ADCY1: variants seen among roughly 807,000 people sequenced by gnomAD.
ADCY1 encodes the protein adenylate cyclase 1.
Under a neutral mutation model 105.4 loss-of-function variants are expected in ADCY1, and 28 were observed. That is an observed-to-expected ratio of 0.27 (90% CI 0.20 to 0.36). The LOEUF (loss-of-function observed/expected upper bound fraction) is 0.36. Ranked by LOEUF, ADCY1 falls within the 10% of genes least tolerant of loss-of-function variation. ADCY1 has a pLI of 1.00. For missense variants in ADCY1, 977 were observed against 1,434.2 expected, an observed-to-expected ratio of 0.68 and a Z score of 5.15; for synonymous variants, 655 against 623.8, an observed-to-expected ratio of 1.05 and a Z score of -0.75.
chr7:45,599,087 C>G (rs1793151904), intron 2 of ADCY1, among the ~76,000 whole-genome samples: 1 of 152,096 alleles, frequency 6.6e-6, no homozygotes, highest in South Asian at 2.1e-4. Flanking sequence ...TGCTGTCAGC[C>G]CCCTGCCATT....
At chr7:45,592,639 G>T in intron 1 of ADCY1, 120 bp from the exon 2 acceptor site, 1 of 1,385,142 alleles carries the variant, frequency 7.2e-7, no homozygotes, top group South Asian at 1.3e-5. Context: ...CCTGCGCTGT[G>T]GGTTTGGCCC....
Position 45,662,067 on chromosome 7 carries a change from A to G in ADCY1, c.1458A>G (p.Pro486=), listed in dbSNP as rs372178220. ...IVPSHRRKIF[P]GLILSDIKPA... ...CTTGTGTGTTTGGACAGATATTTCC[A>G]GGCCTGATTCTCTCAGATATAAAAC... The change falls in exon 8 of 20, where the codon CCA becomes CCG. Residue 486 remains proline, a synonymous_variant. Transcript: ENST00000297323. 3.4e-5 allele frequency: 55 copies of G among 1,613,800 alleles called. No homozygotes were observed. Among genetic ancestry groups the G allele is most frequent in the Non-Finnish European group, 4.6e-5 (54 of 1,179,898 alleles).
intron 8 of ADCY1, among the ~76,000 whole-genome samples, chr7:45,674,752 A>G (rs189668867): frequency 6.6e-4 from 101 of 152,284 alleles, no homozygotes; most frequent in African/African-American, 2.2e-3. Context: ...TAGGATTTCT[A>G]TGTCTTCCTT....
At chr7:45,577,162 T>C (rs762528898) in intron 1 of ADCY1, among the ~76,000 whole-genome samples, 4 of 152,162 alleles carry the variant, frequency 2.6e-5, no homozygotes, top group Non-Finnish European at 5.9e-5. Context: ...TGTGACTCCC[T>C]GGGCAATCCA....
In ADCY1 at chr7:45,719,029, A is replaced by G. The variant is rs1054184024; in HGVS notation, c.*5034A>G. 3 of 152,828 alleles carry G rather than the reference A, an allele frequency of 2.0e-5. No individual in the cohort carries two copies. The highest frequency in any genetic ancestry group is 1.3e-4 in the Admixed American group (2 of 15,290). The allele number at this position is 152,828 out of a possible 1,614,324, so 9.5% of individuals were successfully genotyped here. On this transcript the variant is annotated 3_prime_UTR_variant, in exon 20 of 20. Transcript: ENST00000297323. The stretch of plus-strand genomic sequence containing the variant: ...CTGCAGTGTCTGTGATTCTGTGTGA[A>G]CTGACAGCAGGGAGCTGAAGGACAG...
intron 2 of ADCY1, among the ~76,000 whole-genome samples, chr7:45,601,706 G>A (rs1793245590): frequency 6.6e-6 from 1 of 152,104 alleles, no homozygotes; most frequent in Admixed American, 6.5e-5. Context: ...TGCTCCCAGC[G>A]GTGGCCTCTT....
At chr7:45,696,780 G>T (rs1391545438) in intron 14 of ADCY1, among the ~76,000 whole-genome samples, 3 of 152,164 alleles carry the variant, frequency 2.0e-5, no homozygotes, top group Admixed American at 2.0e-4. Flanking sequence ...TAGAGTAAAA[G>T]GTCCAAAGAC....
At chr7:45,631,744 C>A (rs1347069567) in intron 4 of ADCY1, among the ~76,000 whole-genome samples, 1 of 152,228 alleles carries the variant, frequency 6.6e-6, no homozygotes, top group African/African-American at 2.4e-5. Context: ...GGAAAACTCA[C>A]ATGAGAAAGA....
chr7:45,632,461 T>C (rs1794283487), intron 4 of ADCY1, among the ~76,000 whole-genome samples: 1 of 151,442 alleles, frequency 6.6e-6, no homozygotes, highest in Non-Finnish European at 1.5e-5. Flanking sequence ...ACACTGTATG[T>C]TTATTTAGAT....
chr7:45,648,086 TC>T (rs1337588790), intron 4 of ADCY1, among the ~76,000 whole-genome samples: 1 of 152,230 alleles, frequency 6.6e-6, no homozygotes, highest in African/African-American at 2.4e-5. Flanking sequence ...GTGCTGCTGT[TC>T]CTATTCATAC....
intron 12 of ADCY1, among the ~76,000 whole-genome samples, chr7:45,685,675 G>A (rs760876179): frequency 6.6e-6 from 1 of 151,740 alleles, no homozygotes; most frequent in Non-Finnish European, 1.5e-5. Context: ...AGGAGTAACA[G>A]GTTGGAGCTG....
intron 8 of ADCY1, among the ~76,000 whole-genome samples, chr7:45,673,085 G>C (rs1376847892): frequency 6.6e-6 from 1 of 152,094 alleles, no homozygotes; most frequent in African/African-American, 2.4e-5. Context: ...AGTTCATCTG[G>C]TGGGTTACAT....
chr7:45,693,704 T>C (rs1355950836), intron 14 of ADCY1, among the ~76,000 whole-genome samples: 1 of 150,796 alleles, frequency 6.6e-6, no homozygotes, highest in Non-Finnish European at 1.5e-5. Context: ...AGCAAAGACT[T>C]GGAACCAACC....
Position 45,677,968 on chromosome 7 carries a change from A to C in ADCY1, c.1705A>C (p.Ile569Leu). The change falls in exon 9 of 20, where the codon ATC becomes CTC. Residue 569 changes from isoleucine (I) to leucine (L), a missense_variant. Transcript: ENST00000297323. ...TTPGTRVNRY[I>L]SRLLEARQTE... ...CCCGGGCACTCGCGTCAACAGGTAC[A>C]TCAGCCGCCTCTTAGAAGCCCGCCA... The C allele has an allele frequency of 6.2e-7, 1 of 1,614,208 alleles. No individual in the cohort carries two copies. The highest frequency in any genetic ancestry group is 8.5e-7 in the Non-Finnish European group (1 of 1,180,040).
intron 3 of ADCY1, among the ~76,000 whole-genome samples, chr7:45,611,665 T>G (rs2115875968): frequency 6.6e-6 from 1 of 152,126 alleles, no homozygotes. Context: ...AGATTCTGTT[T>G]AAAAGTATTT....
At position 45,717,983 on chromosome 7, in the gene ADCY1, G is replaced by A. The variant is rs1288727092; in HGVS notation, c.*3988G>A. 1 of 152,406 alleles carries A rather than the reference G, an allele frequency of 6.6e-6. No individual in the cohort carries two copies. The highest frequency in any genetic ancestry group is 1.5e-5 in the Non-Finnish European group (1 of 68,042). The allele number at this position is 152,406 out of a possible 1,614,324, so 9.4% of individuals were successfully genotyped here. Reference sequence around the variant, plus strand: ...GCCCCATTCTCTGGCTTGGGGTGGTGGGAGGCGGGGAGCTGCCACTCCCAA... The same window carrying A: ...GCCCCATTCTCTGGCTTGGGGTGGTAGGAGGCGGGGAGCTGCCACTCCCAA... On this transcript the variant is annotated 3_prime_UTR_variant, in exon 20 of 20. Coordinates refer to ENST00000297323, the MANE Select transcript of ADCY1 (RefSeq NM_021116.4).
At chr7:45,662,762 G>A (rs1255290654) in intron 8 of ADCY1, among the ~76,000 whole-genome samples, 1 of 152,162 alleles carries the variant, frequency 6.6e-6, no homozygotes, top group Non-Finnish European at 1.5e-5. Flanking sequence ...CTTCTCAGCA[G>A]TCTCCACCTC....
At chr7:45,629,785 C>T (rs1752855072) in intron 4 of ADCY1, among the ~76,000 whole-genome samples, 2 of 152,160 alleles carry the variant, frequency 1.3e-5, no homozygotes, top group South Asian at 2.1e-4. Context: ...TCCCAAAGTG[C>T]TGGGATTACA....
At chr7:45,617,363 G>C (rs1025466746) in intron 3 of ADCY1, among the ~76,000 whole-genome samples, 18 of 152,204 alleles carry the variant, frequency 1.2e-4, no homozygotes, top group African/African-American at 3.6e-4. Context: ...GGCTTGTATG[G>C]CCTGGGGCCG....
Sources: gnomAD v4.1 joint callset for allele counts (sites outside exome capture counted in the v4.1 genomes callset) on GRCh38, gnomAD v4.1.1 for gene constraint, MANE v1.5 for transcripts, NCBI Gene and HGNC (gene_info 2026-07-23, HGNC 2026-07-21) for gene names.